Variants in UBE2G1 observed in about 807,000 individuals in gnomAD.
The protein encoded by UBE2G1 is ubiquitin-conjugating enzyme E2 G1.
Under a neutral mutation model 22.7 loss-of-function variants are expected in UBE2G1, and 5 were observed. The observed-to-expected ratio is 0.22, with a 90% CI of 0.12 to 0.46. The LOEUF is 0.46. Ranked by LOEUF, UBE2G1 falls within the 20% of genes least tolerant of loss-of-function variation. The pLI, the probability that UBE2G1 is intolerant of heterozygous loss-of-function variation, is 0.99. For missense variants in UBE2G1, 88 were observed against 203.9 expected (o/e 0.43, Z 3.46); for synonymous variants, 74 against 67.5 (o/e 1.10, Z -0.47).
intron 3 of UBE2G1, among the ~76,000 whole-genome samples, chr17:4,289,935 A>C (rs895238023): frequency 6.6e-6 from 1 of 152,226 alleles, no homozygotes; most frequent in Admixed American, 6.5e-5. Context: ...AGTATATTCA[A>C]ATTCACAAAA....
chr17:4,312,527 T>G (rs1319528303), intron 1 of UBE2G1, among the ~76,000 whole-genome samples: 2 of 151,478 alleles, frequency 1.3e-5, no homozygotes, highest in Non-Finnish European at 2.9e-5. Context: ...AAACCCCGTC[T>G]CTACTAAAAA....
rs372807807 is a variant in UBE2G1 at position 4,361,225 on chromosome 17, G to GA, written c.46+5045dup. On this transcript the variant is annotated intron_variant, in intron 1 of 5. Coordinates refer to ENST00000396981, the MANE Select transcript of UBE2G1 (RefSeq NM_003342.5). The stretch of plus-strand genomic sequence containing the variant: ...GTGACAGAACAAGACTCTGTGTTGG[G>GA]AAAAAAAAAATGCAATAGAGGCCAG... Among the ~76,000 whole-genome samples the GA allele has an allele frequency of 3.4e-4, 49 of 143,882 alleles. 1 individual carries two copies. The highest frequency in any genetic ancestry group is 3.9e-3 in the Middle Eastern group (1 of 254). The allele number at this position is 143,882 out of a possible 152,430, so 94.4% of individuals were successfully genotyped here.
intron 3 of UBE2G1, among the ~76,000 whole-genome samples, chr17:4,294,168 C>A (rs1023923643): frequency 1.3e-5 from 2 of 152,180 alleles, no homozygotes; most frequent in African/African-American, 4.8e-5. Context: ...ATAATCCCAG[C>A]ACTTTGGGAG....
At position 4,366,277 on chromosome 17, in the gene UBE2G1, G is replaced by A; in HGVS notation, c.40C>T (p.Leu14=). The change falls in exon 1 of 6, where the codon CTG becomes TTG. Residue 14 remains leucine, a synonymous_variant. Transcript: ENST00000396981. ...LQSALLLRRQ[L]AELNKNPVEG... ...CCGCCGCCCGCCTGCTCACCTGCCA[G>A]CTGTCTTCGCAGTAGCAGTGCCGAC... 8 of 1,555,270 alleles carry A rather than the reference G, an allele frequency of 5.1e-6. No individual in the cohort carries two copies. Among genetic ancestry groups the A allele is most frequent in the Non-Finnish European group, 6.9e-6 (8 of 1,160,064 alleles).
At chr17:4,336,245 T>C (rs975728317) in intron 1 of UBE2G1, among the ~76,000 whole-genome samples, 1 of 152,178 alleles carries the variant, frequency 6.6e-6, no homozygotes. Flanking sequence ...ATAACATTAA[T>C]GTAAATGATT....
intron 5 of UBE2G1, among the ~76,000 whole-genome samples, chr17:4,276,072 A>G (rs552935209): frequency 6.6e-6 from 1 of 152,168 alleles, no homozygotes; most frequent in African/African-American, 2.4e-5. Flanking sequence ...TGCTCTCTAC[A>G]CCAAACAGAT....
rs1189289539 is a variant in UBE2G1, at chr17:4,299,396, C to A, written c.150-2582G>T. On this transcript the variant is annotated intron_variant, in intron 2 of 5. Transcript: ENST00000396981. ...CGTGGGTGCCAGAGTGAGACTCTGTCTCAACAACAACAAAAAAAGAGTCAA... is the reference window on the plus strand; with the variant it reads ...CGTGGGTGCCAGAGTGAGACTCTGTATCAACAACAACAAAAAAAGAGTCAA... Among the ~76,000 whole-genome samples, 4 of 152,002 alleles carry A rather than the reference C, an allele frequency of 2.6e-5. No individual in the cohort carries two copies. The East Asian group carries it at 7.7e-4, about 29-fold the overall frequency.
At chr17:4,317,493 T>C (rs1169566317) in intron 1 of UBE2G1, among the ~76,000 whole-genome samples, 1 of 152,150 alleles carries the variant, frequency 6.6e-6, no homozygotes, top group Non-Finnish European at 1.5e-5. Context: ...CACTCCAGCC[T>C]GGGAAATACA....
At chr17:4,364,743 A>G (rs559933802) in intron 1 of UBE2G1, among the ~76,000 whole-genome samples, 3 of 151,714 alleles carry the variant, frequency 2.0e-5, no homozygotes, top group Admixed American at 2.0e-4. Flanking sequence ...CCACGCCCGA[A>G]TAATTTTTTG....
chr17:4,338,691 G>A (rs187526620), intron 1 of UBE2G1, among the ~76,000 whole-genome samples: 2 of 152,304 alleles, frequency 1.3e-5, no homozygotes, highest in African/African-American at 4.8e-5. Context: ...GTCTAGCTAG[G>A]CAGTATGCAT....
At chr17:4,285,820 AC>A (rs1968956636) in intron 4 of UBE2G1, among the ~76,000 whole-genome samples, 1 of 152,126 alleles carries the variant, frequency 6.6e-6, no homozygotes. Context: ...GCATGGTGGC[AC>A]GCACCTGTAG....
At chr17:4,320,805 C>T (rs186846901) in intron 1 of UBE2G1, among the ~76,000 whole-genome samples, 1 of 152,214 alleles carries the variant, frequency 6.6e-6, no homozygotes, top group East Asian at 1.9e-4. Context: ...CCTTGTATAA[C>T]TGATGGCCAC....
At chr17:4,341,995 C>G (rs1278289949) in intron 1 of UBE2G1, among the ~76,000 whole-genome samples, 1 of 152,190 alleles carries the variant, frequency 6.6e-6, no homozygotes, top group Admixed American at 6.6e-5. Flanking sequence ...CCTCAATCTT[C>G]TTCACCTATC....
intron 4 of UBE2G1, among the ~76,000 whole-genome samples, chr17:4,284,824 C>CTTTTTTTTTTTTTTTTTTTT (rs1968940086): frequency 2.3e-5 from 2 of 85,574 alleles, no homozygotes; most frequent in African/African-American, 8.3e-5. Context: ...TTTTTCTTTT[C>CTTTTTTTTTTTTTTTTTTTT]TTTTCTTTTC....
At chr17:4,339,575 G>A (rs1170174524) in intron 1 of UBE2G1, among the ~76,000 whole-genome samples, 1 of 152,086 alleles carries the variant, frequency 6.6e-6, no homozygotes, top group Non-Finnish European at 1.5e-5. Flanking sequence ...AAAGTGCTGG[G>A]ATTACAGGCG....
Position 4,366,472 on chromosome 17 carries a change from T to A in UBE2G1, c.-156A>T. 3.1e-6 allele frequency: 2 copies of A among 638,440 alleles called. 1 individual carries two copies. The highest frequency in any genetic ancestry group is 6.6e-5 in the South Asian group (2 of 30,272). The allele number at this position is 638,440 out of a possible 1,614,324, so 39.5% of individuals were successfully genotyped here. On this transcript the variant is annotated 5_prime_UTR_variant, in exon 1 of 6. Coordinates refer to ENST00000396981, the MANE Select transcript of UBE2G1 (RefSeq NM_003342.5). ...GGGCTGAGGCGGCGGGAGCGGCGCC[T>A]CGCTGCCGGTGCGAGTCCGCTCGCT...
intron 1 of UBE2G1, among the ~76,000 whole-genome samples, chr17:4,313,579 A>T (rs12450394): frequency 0.026 from 3,989 of 152,274 alleles, 74 homozygotes; most frequent in East Asian, 0.076. Context: ...ATAGTTCTAA[A>T]GGAGGCAAAA....
In UBE2G1 at chr17:4,351,436, C is replaced by T. The variant is rs186019894; in HGVS notation, c.46+14835G>A. On this transcript the variant is annotated intron_variant, in intron 1 of 5. Coordinates refer to ENST00000396981, the MANE Select transcript of UBE2G1 (RefSeq NM_003342.5). ...CTGCAAGAGTTAAATATAAACCAAACTGGATAACGAGAATTTTGTTGTATC... is the reference window on the plus strand; with the variant it reads ...CTGCAAGAGTTAAATATAAACCAAATTGGATAACGAGAATTTTGTTGTATC... 5.3e-5 allele frequency among the ~76,000 whole-genome samples: 8 copies of T among 152,306 alleles called. No individual in the cohort carries two copies. The East Asian group carries it at 1.5e-3, about 29-fold the overall frequency.
intron 1 of UBE2G1, among the ~76,000 whole-genome samples, chr17:4,310,397 A>G (rs1227650256): frequency 6.6e-6 from 1 of 152,252 alleles, no homozygotes; most frequent in Non-Finnish European, 1.5e-5. Flanking sequence ...ATCATGAAGA[A>G]TAAGAAAAGG....
Sources: allele counts gnomAD v4.1 joint callset (sites outside exome capture counted in the v4.1 genomes callset), GRCh38; gene constraint gnomAD v4.1.1; transcripts MANE v1.5; gene names NCBI Gene and HGNC (gene_info 2026-07-23, HGNC 2026-07-21).